Variants in CTNNA2 observed in about 807,000 individuals in gnomAD.
The protein encoded by CTNNA2 is catenin alpha 2.
In CTNNA2, 42 loss-of-function variants were observed where a neutral mutation model predicts 101.0. The observed-to-expected ratio is 0.42, with a 90% CI of 0.32 to 0.54. The LOEUF (loss-of-function observed/expected upper bound fraction) is 0.54, where lower values mean the gene tolerates loss of function less well. Ranked by LOEUF, CTNNA2 falls within the 20% of genes least tolerant of loss-of-function variation. The probability of loss-of-function intolerance (pLI) is 0.14; values close to 1 mark genes in which losing one functional copy is unlikely to be tolerated. For missense variants in CTNNA2, 871 were observed against 1,223.1 expected, an observed-to-expected ratio of 0.71 and a Z score of 4.29; for synonymous variants, 450 against 456.4, an observed-to-expected ratio of 0.99 and a Z score of 0.18.
At chr2:79,429,178 T>C (rs956662563) in intron 4 of CTNNA2, among the ~76,000 whole-genome samples, 3 of 152,300 alleles carry the variant, frequency 2.0e-5, no homozygotes, top group East Asian at 3.9e-4. Context: ...TTTCATTGTG[T>C]ACACAATTAA....
chr2:79,190,940 A>G (rs1310788445), intron 1 of CTNNA2, among the ~76,000 whole-genome samples: 1 of 152,160 alleles, frequency 6.6e-6, no homozygotes, highest in Non-Finnish European at 1.5e-5. Flanking sequence ...ACCCATAGTC[A>G]TCTATCTCTC....
intron 7 of CTNNA2, among the ~76,000 whole-genome samples, chr2:79,964,580 T>A (rs766717185): frequency 1.3e-5 from 2 of 152,202 alleles, no homozygotes; most frequent in Admixed American, 1.3e-4. Flanking sequence ...GAAAAAAAGA[T>A]GTGCCTTATT....
intron 7 of CTNNA2, among the ~76,000 whole-genome samples, chr2:80,181,569 A>G: frequency 6.6e-6 from 1 of 152,152 alleles, no homozygotes; most frequent in South Asian, 2.1e-4. Context: ...CTCTTTCTCT[A>G]CAGGAGATAA....
At chr2:80,309,697 A>T (rs1004539903) in intron 7 of CTNNA2, among the ~76,000 whole-genome samples, 3 of 136,000 alleles carry the variant, frequency 2.2e-5, no homozygotes, top group Non-Finnish European at 4.8e-5. Context: ...CTCTATTTAC[A>T]TTTTTTTTTG....
At chr2:80,440,816 G>A (rs1445984882) in intron 9 of CTNNA2, among the ~76,000 whole-genome samples, 1 of 152,190 alleles carries the variant, frequency 6.6e-6, no homozygotes. Context: ...TTCCAAGTAA[G>A]TGGGGCAGAA....
chr2:80,406,288 C>G (rs1259224838), intron 8 of CTNNA2, among the ~76,000 whole-genome samples: 1 of 150,200 alleles, frequency 6.7e-6, no homozygotes, highest in Non-Finnish European at 1.5e-5. Context: ...GAGTCGAGAT[C>G]GCGCCACTGC....
intron 2 of CTNNA2, among the ~76,000 whole-genome samples, chr2:79,205,526 A>C (rs17016548): frequency 0.055 from 8,301 of 152,308 alleles, 345 homozygotes; most frequent in East Asian, 0.15. Flanking sequence ...CTGTTAAGGA[A>C]CAGAGGATTC....
intron 3 of CTNNA2, among the ~76,000 whole-genome samples, chr2:79,318,010 T>C (rs992540791): frequency 5.9e-5 from 9 of 152,190 alleles, no homozygotes; most frequent in African/African-American, 1.9e-4. Flanking sequence ...AAATATTTCT[T>C]GGTCACCTAT....
intron 1 of CTNNA2, among the ~76,000 whole-genome samples, chr2:79,637,719 A>G (rs543586208): frequency 2.0e-5 from 3 of 152,266 alleles, no homozygotes; most frequent in Non-Finnish European, 2.9e-5. Flanking sequence ...AAAGTTGTGT[A>G]TTTTCTTAGC....
chr2:79,263,434 G>T (rs970914202), intron 2 of CTNNA2, among the ~76,000 whole-genome samples: 3 of 152,144 alleles, frequency 2.0e-5, no homozygotes, highest in African/African-American at 7.2e-5. Flanking sequence ...TTTGCCCTCA[G>T]CCATGATCAT....
intron 4 of CTNNA2, among the ~76,000 whole-genome samples, chr2:79,422,970 G>A (rs1678554505): frequency 6.6e-6 from 1 of 152,166 alleles, no homozygotes; most frequent in Admixed American, 6.5e-5. Flanking sequence ...TCCAAGGTTA[G>A]TATTGTAGAA....
rs572427668 is a variant in CTNNA2, at chr2:79,380,221, A to C, written c.-135+6208A>C. Among the ~76,000 whole-genome samples the C allele has an allele frequency of 2.6e-5, 4 of 151,796 alleles. No homozygotes were observed. The East Asian group carries it at 7.8e-4, about 30-fold the overall frequency. ...AGAGAAAAAGGTATCACAGGGAATA[A>C]AATTGCAGTAGGGTTGAAGATTTTC... On this transcript the variant is annotated intron_variant, in intron 4 of 21. Transcript: ENST00000466387.
intron 2 of CTNNA2, among the ~76,000 whole-genome samples, chr2:79,286,912 C>G (rs1214179471): frequency 6.6e-6 from 1 of 152,200 alleles, no homozygotes; most frequent in Non-Finnish European, 1.5e-5. Context: ...TAGATTTGGT[C>G]TTTTCACATA....
chr2:80,093,896 TG>T (rs758961352), intron 7 of CTNNA2, among the ~76,000 whole-genome samples: 1 of 152,164 alleles, frequency 6.6e-6, no homozygotes, highest in Non-Finnish European at 1.5e-5. Flanking sequence ...TTGTAGATTC[TG>T]GATATTAGCC....
chr2:79,309,224 T>C (rs967432539), intron 2 of CTNNA2, among the ~76,000 whole-genome samples: 1 of 152,144 alleles, frequency 6.6e-6, no homozygotes, highest in Admixed American at 6.5e-5. Context: ...TATAATCATA[T>C]TGTGTGATTC....
intron 1 of CTNNA2, among the ~76,000 whole-genome samples, chr2:79,611,382 T>G (rs1678261756): frequency 6.6e-6 from 1 of 152,140 alleles, no homozygotes; most frequent in African/African-American, 2.4e-5. Flanking sequence ...GAAGCCAACC[T>G]ACCTGTGCAA....
intron 3 of CTNNA2, among the ~76,000 whole-genome samples, chr2:79,813,449 G>T (rs1034197572): frequency 2.4e-4 from 37 of 152,190 alleles, no homozygotes; most frequent in African/African-American, 8.7e-4. Context: ...TCTTATTGAT[G>T]AATTGAATTA....
At chr2:79,193,498 T>G (rs11888122) in intron 1 of CTNNA2, among the ~76,000 whole-genome samples, 32,766 of 152,130 alleles carry the variant, frequency 0.22, 4,533 homozygotes, top group African/African-American at 0.39. Flanking sequence ...TGTAGTAGCC[T>G]GTACCACCTA....
At chr2:80,496,260 G>T (rs542237559) in intron 9 of CTNNA2, among the ~76,000 whole-genome samples, 1 of 152,254 alleles carries the variant, frequency 6.6e-6, no homozygotes, top group South Asian at 2.1e-4. Context: ...CTAATGTAGG[G>T]ATATAGACAA....
Sources: gnomAD v4.1 joint callset for allele counts (sites outside exome capture counted in the v4.1 genomes callset) on GRCh38, gnomAD v4.1.1 for gene constraint, MANE v1.5 for transcripts, NCBI Gene and HGNC (gene_info 2026-07-23, HGNC 2026-07-21) for gene names.